The following SMARCC1 variants were observed in gnomAD, a reference collection of about 807,000 sequenced individuals.
The protein encoded by SMARCC1 is SWI/SNF complex subunit SMARCC1.
Under a neutral mutation model 147.4 loss-of-function variants are expected in SMARCC1, and 43 were observed. The ratio of observed to expected loss-of-function variants is 0.29; its 90% CI spans 0.23 to 0.38. SMARCC1 has a LOEUF of 0.38. Ranked by LOEUF, SMARCC1 falls within the 10% of genes least tolerant of loss-of-function variation. SMARCC1 has a pLI of 1.00. For missense variants in SMARCC1, 1,119 were observed against 1,381.1 expected (o/e 0.81, Z 3.01); for synonymous variants, 495 against 484.4 (o/e 1.02, Z -0.29).
chr3:47,594,249 G>GT (rs1237300579), intron 26 of SMARCC1, among the ~76,000 whole-genome samples: 3 of 152,118 alleles, frequency 2.0e-5, no homozygotes, highest in Admixed American at 2.0e-4. Flanking sequence ...GACCCAGAAT[G>GT]TACATAATAG....
intron 8 of SMARCC1, among the ~76,000 whole-genome samples, chr3:47,714,154 G>C (rs544787529): frequency 6.6e-6 from 1 of 152,148 alleles, no homozygotes; most frequent in African/African-American, 2.4e-5. Flanking sequence ...ACCCGAGGTC[G>C]GGAGGCTGAG....
chr3:47,661,181 T>G, intron 21 of SMARCC1, 113 bp downstream of exon 21: 1 of 902,794 alleles, frequency 1.1e-6, no homozygotes, highest in South Asian at 1.8e-5. Context: ...AAAGACAAGT[T>G]TATACTGATC....
chr3:47,776,393 G>A (rs886636465), intron 1 of SMARCC1, among the ~76,000 whole-genome samples: 12 of 152,150 alleles, frequency 7.9e-5, no homozygotes, highest in Non-Finnish European at 1.3e-4. Context: ...CTTGAGGTCA[G>A]GAGTTTGAGA....
chr3:47,752,002 T>C (rs990020893), intron 2 of SMARCC1, among the ~76,000 whole-genome samples: 3 of 152,100 alleles, frequency 2.0e-5, no homozygotes, highest in Non-Finnish European at 4.4e-5. Context: ...GAGAATCACT[T>C]GAACCCGGGA....
At chr3:47,760,267 G>A (rs1249572898) in intron 2 of SMARCC1, among the ~76,000 whole-genome samples, 2 of 151,616 alleles carry the variant, frequency 1.3e-5, no homozygotes, top group Non-Finnish European at 2.9e-5. Flanking sequence ...AGCCAGGATC[G>A]TACCACTGCA....
intron 2 of SMARCC1, among the ~76,000 whole-genome samples, chr3:47,767,709 A>G (rs1247572156): frequency 6.6e-6 from 1 of 151,208 alleles, no homozygotes; most frequent in Non-Finnish European, 1.5e-5. Flanking sequence ...CTATACTAAA[A>G]ATACAAAAAT....
At chr3:47,718,900 A>G (rs987812828) in intron 7 of SMARCC1, among the ~76,000 whole-genome samples, 4 of 152,070 alleles carry the variant, frequency 2.6e-5, no homozygotes, top group Non-Finnish European at 5.9e-5. Flanking sequence ...TTAATATTAA[A>G]TAATTATTTA....
rs539360692 is a variant in SMARCC1, at chr3:47,781,727, G to T, written c.71C>A (p.Ala24Glu). The T allele has an allele frequency of 1.3e-6, 2 of 1,551,776 alleles. No homozygotes were observed. Among genetic ancestry groups the T allele is most frequent in the African/African-American group, 2.9e-5 (2 of 70,168 alleles). The part of the protein sequence containing the change: ...VGATGSGIAA[A>E]AAGLAVYRRK... The stretch of plus-strand genomic sequence containing the variant: ...TCGATAAACAGCTAGGCCTGCGGCT[G>T]CCGCCGCAATCCCCGAGCCCGTGGC... Residue 24 changes from alanine (A) to glutamate (E), a missense_variant, in exon 1 of 28, where the codon GCA becomes GAA. Around this residue, in one of 6 missense-constraint regions of SMARCC1, gnomAD observed 542 missense variants for 611.8 expected, o/e 0.89. Coordinates refer to ENST00000254480, the MANE Select transcript of SMARCC1 (RefSeq NM_003074.4).
At chr3:47,767,189 GAAAAAAAAA>G (rs375076788) in intron 2 of SMARCC1, among the ~76,000 whole-genome samples, 2 of 80,176 alleles carry the variant, frequency 2.5e-5, no homozygotes, top group African/African-American at 5.2e-5. Flanking sequence ...TCTCCAAAAA[GAAAAAAAAA>G]AAAAAAAAAA....
rs571123475 is a variant in SMARCC1, at chr3:47,739,726, T to C, written c.402-1616A>G. On this transcript the variant is annotated intron_variant, in intron 3 of 27. Coordinates refer to ENST00000254480, the MANE Select transcript of SMARCC1 (RefSeq NM_003074.4). Reference sequence around the variant, plus strand: ...ACTTTTAACTCACATGTCATGCTATTTTATTCTGGAGATGTTCCCCACACT... The same window carrying C: ...ACTTTTAACTCACATGTCATGCTATCTTATTCTGGAGATGTTCCCCACACT... Among the ~76,000 whole-genome samples the C allele has an allele frequency of 6.6e-5, 10 of 152,262 alleles. No homozygotes were observed. In the South Asian group the frequency reaches 2.1e-3, roughly 32 times the overall value.
chr3:47,672,601 T>C (rs1400231669), intron 18 of SMARCC1, among the ~76,000 whole-genome samples: 1 of 152,094 alleles, frequency 6.6e-6, no homozygotes, highest in Non-Finnish European at 1.5e-5. Flanking sequence ...AAGAACAAAA[T>C]TCATTAACAT....
intron 21 of SMARCC1, among the ~76,000 whole-genome samples, chr3:47,647,747 T>C (rs1316242103): frequency 6.6e-6 from 1 of 152,210 alleles, no homozygotes; most frequent in African/African-American, 2.4e-5. Flanking sequence ...TATATTTAAC[T>C]GCAAGGTTCC....
chr3:47,706,546 T>C lies in SMARCC1; in HGVS notation c.919-16A>G, dbSNP rs1576417479. The stretch of plus-strand genomic sequence containing the variant: ...TTCTGACTGGCTAGGAAGAAGTAAA[T>C]GGAAATAAGTATCAGCTATCTTTGC... On this transcript the variant is annotated splice_polypyrimidine_tract_variant and intron_variant, in intron 9 of 27. Transcript: ENST00000254480. The C allele has an allele frequency of 3.3e-6, 5 of 1,536,918 alleles. No individual in the cohort carries two copies. In the Admixed American group the frequency reaches 6.7e-5, roughly 21 times the overall value.
chr3:47,759,949 G>A (rs2034754875), intron 2 of SMARCC1, among the ~76,000 whole-genome samples: 1 of 150,788 alleles, frequency 6.6e-6, no homozygotes, highest in African/African-American at 2.4e-5. Flanking sequence ...AGAAAAAAAA[G>A]AAAAAGAAAA....
At chr3:47,606,148 T>C (rs1380105086) in intron 26 of SMARCC1, among the ~76,000 whole-genome samples, 1 of 152,212 alleles carries the variant, frequency 6.6e-6, no homozygotes. Context: ...TTCTTTCCTT[T>C]ACAAATTCAC....
chr3:47,773,286 C>T (rs2034936979), intron 1 of SMARCC1, among the ~76,000 whole-genome samples: 1 of 151,814 alleles, frequency 6.6e-6, no homozygotes. Context: ...AGCCACTACC[C>T]CCAACTACTT....
chr3:47,620,654 G>A (rs1220029709), intron 25 of SMARCC1, among the ~76,000 whole-genome samples: 1 of 152,004 alleles, frequency 6.6e-6, no homozygotes, highest in Non-Finnish European at 1.5e-5. Flanking sequence ...ATGACCTTAT[G>A]TCAAAAGTTT....
Position 47,678,178 on chromosome 3 carries a change from GA to G in SMARCC1, c.1571+19del. 1 of 1,419,944 alleles carries G rather than the reference GA, an allele frequency of 7.0e-7. No homozygotes were observed. Among genetic ancestry groups the G allele is most frequent in the Admixed American group, 1.9e-5 (1 of 52,338 alleles). 88.0% of individuals were successfully genotyped at this position (1,419,944 alleles called of 1,614,324 possible). On this transcript the variant is annotated intron_variant, in intron 16 of 27. Transcript: ENST00000254480. ...TAAATTCCTACAGTTAAATGTCTCA[GA>G]AAAAGTCAAACAGTTTACCTCATCA...
At chr3:47,700,177 T>TAA (rs939777882) in intron 11 of SMARCC1, among the ~76,000 whole-genome samples, 1 of 146,418 alleles carries the variant, frequency 6.8e-6, no homozygotes, top group African/African-American at 2.5e-5. Context: ...TAAAGTATAT[T>TAA]AAAAAAAAAA....
Sources: gnomAD v4.1 joint callset for allele counts (sites outside exome capture counted in the v4.1 genomes callset) on GRCh38, gnomAD v4.1.1 for gene constraint, gnomAD v4.1.1 regional missense constraint, MANE v1.5 for transcripts, NCBI Gene and HGNC (gene_info 2026-07-23, HGNC 2026-07-21) for gene names.